Variants in PRRC2B observed in about 807,000 individuals in gnomAD.
The protein encoded by PRRC2B is protein PRRC2B.
Under a neutral mutation model 242.3 loss-of-function variants are expected in PRRC2B, and 68 were observed. The ratio of observed to expected loss-of-function variants is 0.28; its 90% CI spans 0.23 to 0.34. The LOEUF is 0.34. Among genes scored for constraint, PRRC2B ranks in the 10% least tolerant of loss-of-function variants. The probability of loss-of-function intolerance (pLI) is 1.00; values close to 1 mark genes in which losing one functional copy is unlikely to be tolerated. For synonymous variants in PRRC2B, 1,228 were observed against 1,173.6 expected, an observed-to-expected ratio of 1.05 and a Z score of -0.95; for missense variants, 2,835 against 2,954.8, an observed-to-expected ratio of 0.96 and a Z score of 0.94.
At chr9:131,417,143 A>G (rs1332095819) in intron 1 of PRRC2B, among the ~76,000 whole-genome samples, 3 of 151,844 alleles carry the variant, frequency 2.0e-5, no homozygotes, top group Non-Finnish European at 2.9e-5. Context: ...ATGTTGGTGT[A>G]TATAGGTTTT....
intron 1 of PRRC2B, among the ~76,000 whole-genome samples, chr9:131,423,067 T>A (rs1837885466): frequency 6.6e-6 from 1 of 152,202 alleles, no homozygotes; most frequent in African/African-American, 2.4e-5. Context: ...TTGGGTTGTG[T>A]CTGCTTCATA....
intron 12 of PRRC2B, 133 bp downstream of exon 12, chr9:131,465,211 T>TA: frequency 1.1e-6 from 1 of 890,550 alleles, no homozygotes; most frequent in African/African-American, 1.7e-5. Flanking sequence ...AAGCATCAGT[T>TA]ATTAAGAGCA....
intron 5 of PRRC2B, among the ~76,000 whole-genome samples, chr9:131,443,355 C>T (rs1294443489): frequency 1.3e-5 from 2 of 151,212 alleles, no homozygotes; most frequent in Admixed American, 6.6e-5. Flanking sequence ...CCAGGATGGT[C>T]CCGATCTCCT....
At chr9:131,422,214 C>G (rs1174459759) in intron 1 of PRRC2B, among the ~76,000 whole-genome samples, 2 of 152,022 alleles carry the variant, frequency 1.3e-5, no homozygotes, top group Non-Finnish European at 2.9e-5. Flanking sequence ...GCCACCATGC[C>G]CAGCTAAATT....
rs61311682 is a variant in PRRC2B, at chr9:131,385,725, G to A, written c.-56+11994G>A. ...ATTCTTTTTTTTGAGGCGGAGTCTC[G>A]CCTTGTCGCCCAGGCTGGAGTGCAG... is the stretch of plus-strand genomic sequence containing the variant. On this transcript the variant is annotated intron_variant, in intron 1 of 1. Coordinates refer to the PRRC2B transcript ENST00000682525. Among the ~76,000 whole-genome samples the A allele has an allele frequency of 7.3e-3, 1,096 of 150,298 alleles. 36 individuals are homozygous for A. The highest frequency in any genetic ancestry group is 0.025 in the African/African-American group (1,052 of 41,256).
chr9:131,462,046 G>A (rs560092931), intron 11 of PRRC2B, among the ~76,000 whole-genome samples: 24 of 152,072 alleles, frequency 1.6e-4, no homozygotes, highest in African/African-American at 2.7e-4. Flanking sequence ...AGGTTGCTCC[G>A]TATTCCTTTT....
chr9:131,397,335 C>T (rs1222872884), intron 1 of PRRC2B, among the ~76,000 whole-genome samples: 1 of 152,134 alleles, frequency 6.6e-6, no homozygotes. Context: ...CCACTGGGCC[C>T]AAATAGGTAA....
At chr9:131,396,892 C>G (rs1017517152) in intron 1 of PRRC2B, among the ~76,000 whole-genome samples, 1 of 152,152 alleles carries the variant, frequency 6.6e-6, no homozygotes, top group African/African-American at 2.4e-5. Flanking sequence ...CCCAGGTCAC[C>G]TCTTGGCTGA....
chr9:131,404,059 G>C (rs1837296102), intron 1 of PRRC2B, among the ~76,000 whole-genome samples: 1 of 151,924 alleles, frequency 6.6e-6, no homozygotes, highest in South Asian at 2.1e-4. Flanking sequence ...AGGATTACAG[G>C]TGTAAGCCAC....
At chr9:131,429,664 A>G (rs1427284666) in intron 1 of PRRC2B, among the ~76,000 whole-genome samples, 1 of 151,776 alleles carries the variant, frequency 6.6e-6, no homozygotes, top group Non-Finnish European at 1.5e-5. Flanking sequence ...TGGGTTGTGT[A>G]CCTCCCCTAT....
intron 9 of PRRC2B, among the ~76,000 whole-genome samples, chr9:131,453,825 A>AATTATATG (rs1261475217): frequency 6.6e-6 from 1 of 152,170 alleles, no homozygotes; most frequent in Non-Finnish European, 1.5e-5. Flanking sequence ...AGCCACTGTG[A>AATTATATG]ATTATATGAT....
intron 9 of PRRC2B, among the ~76,000 whole-genome samples, chr9:131,449,125 A>G (rs1240596637): frequency 6.6e-6 from 1 of 152,148 alleles, no homozygotes; most frequent in Non-Finnish European, 1.5e-5. Context: ...AGTTGCTGAG[A>G]TATGTTCCAG....
At chr9:131,420,503 T>TTTTTTTC (rs1837805691) in intron 1 of PRRC2B, among the ~76,000 whole-genome samples, 1 of 93,814 alleles carries the variant, frequency 1.1e-5, no homozygotes, top group Non-Finnish European at 2.2e-5. Flanking sequence ...CTTTTTTTTT[T>TTTTTTTC]TTTTTTTGAG....
Position 131,461,792 on chromosome 9 carries a change from AC to A in PRRC2B, c.1404+2437del, listed in dbSNP as rs774203989. On this transcript the variant is annotated intron_variant, in intron 11 of 31. Coordinates refer to ENST00000683519, the MANE Select transcript of PRRC2B (RefSeq NM_013318.4). The stretch of plus-strand genomic sequence containing the variant: ...TCTACCCACCTTGGCCTCCCAAAGT[AC>A]TGGGATTTCAGGTGTGAGCCACTGC... Among the ~76,000 whole-genome samples the A allele has an allele frequency of 2.5e-4, 38 of 152,250 alleles. 1 individual carries two copies. The highest frequency in any genetic ancestry group is 1.3e-3 in the Admixed American group (20 of 15,300).
chr9:131,441,901 T>G (rs577372384), intron 5 of PRRC2B, among the ~76,000 whole-genome samples: 1 of 152,244 alleles, frequency 6.6e-6, no homozygotes, highest in East Asian at 1.9e-4. Flanking sequence ...CCTGCCTCAG[T>G]TTCTCATGGC....
intron 1 of PRRC2B, among the ~76,000 whole-genome samples, chr9:131,411,416 G>A (rs1364747805): frequency 2.0e-5 from 3 of 147,970 alleles, no homozygotes; most frequent in African/African-American, 2.5e-5. Context: ...GCGCAATCTC[G>A]GCTCACTGCA....
rs542068461 is a variant in PRRC2B, at chr9:131,410,046, A to G, written c.-52+15783A>G. ...GGTCCTTGTTAAATTTTGACGCCAG[A>G]GAGGGAGGCCTTTGTATAGCACATC... On this transcript the variant is annotated intron_variant, in intron 1 of 31. Transcript: ENST00000683519. Among the ~76,000 whole-genome samples, 11 of 152,348 alleles carry G rather than the reference A, an allele frequency of 7.2e-5. No individual in the cohort carries two copies. In the South Asian group the frequency reaches 2.1e-3, roughly 29 times the overall value.
intron 1 of PRRC2B, among the ~76,000 whole-genome samples, chr9:131,420,680 G>C (rs142536188): frequency 1.3e-5 from 2 of 151,100 alleles, no homozygotes; most frequent in Non-Finnish European, 2.9e-5. Flanking sequence ...AGTAGAGTCA[G>C]GGTGTCGCCA....
intron 20 of PRRC2B, 85 bp downstream of exon 20, chr9:131,481,893 C>A (rs1473866834): frequency 3.3e-6 from 4 of 1,200,258 alleles, no homozygotes; most frequent in Non-Finnish European, 4.8e-6. Context: ...CTTGCTGTGG[C>A]CCACCCAAGC....
Sources: gnomAD v4.1 joint callset for allele counts (sites outside exome capture counted in the v4.1 genomes callset) on GRCh38, gnomAD v4.1.1 for gene constraint, MANE v1.5 for transcripts, NCBI Gene and HGNC (gene_info 2026-07-23, HGNC 2026-07-21) for gene names.